The following OPCML variants were observed in gnomAD, a reference collection of about 807,000 sequenced individuals.
OPCML encodes the protein opioid-binding protein/cell adhesion molecule.
OPCML carries 13 observed loss-of-function variants against 37.8 expected under a neutral mutation model. The ratio of observed to expected loss-of-function variants is 0.34; its 90% CI spans 0.22 to 0.55. The LOEUF is 0.55. Among genes scored for constraint, OPCML ranks in the 20% least tolerant of loss-of-function variants. The pLI is 0.91. For missense variants in OPCML, 341 were observed against 435.6 expected (o/e 0.78, Z 1.93); for synonymous variants, 176 against 168.8 (o/e 1.04, Z -0.33).
chr11:132,850,112 G>C (rs1941736729), intron 2 of OPCML, among the ~76,000 whole-genome samples: 1 of 152,142 alleles, frequency 6.6e-6, no homozygotes, highest in African/African-American at 2.4e-5. Flanking sequence ...TTCAAGTCTT[G>C]TGTTTAGCCC....
At chr11:132,746,883 C>T (rs61908972) in intron 2 of OPCML, among the ~76,000 whole-genome samples, 8,573 of 152,106 alleles carry the variant, frequency 0.056, 268 homozygotes, top group Middle Eastern at 0.092. Flanking sequence ...GCAAGGCTTG[C>T]GAGGCTTCCC....
chr11:132,850,417 C>T (rs768105856), intron 2 of OPCML, among the ~76,000 whole-genome samples: 4 of 152,072 alleles, frequency 2.6e-5, no homozygotes, highest in Non-Finnish European at 5.9e-5. Flanking sequence ...ACTTGGAACA[C>T]GTTAAAACGC....
At chr11:133,162,324 T>C (rs988354935) in intron 1 of OPCML, among the ~76,000 whole-genome samples, 16 of 152,210 alleles carry the variant, frequency 1.1e-4, no homozygotes, top group Non-Finnish European at 1.8e-4. Context: ...TCAGGGCTGG[T>C]GAGCAGGCAG....
At chr11:133,184,105 G>T (rs1194883046) in intron 1 of OPCML, among the ~76,000 whole-genome samples, 2 of 152,284 alleles carry the variant, frequency 1.3e-5, no homozygotes, top group South Asian at 4.1e-4. Context: ...GCAGCAAGAG[G>T]GTTCAAAAGG....
At chr11:132,716,470 A>T (rs1351762854) in intron 2 of OPCML, among the ~76,000 whole-genome samples, 2 of 151,884 alleles carry the variant, frequency 1.3e-5, no homozygotes, top group Non-Finnish European at 2.9e-5. Flanking sequence ...TCTACCTACC[A>T]TCTGTCTATC....
chr11:133,071,082 T>A (rs1244261873), intron 1 of OPCML, among the ~76,000 whole-genome samples: 1 of 152,226 alleles, frequency 6.6e-6, no homozygotes, highest in Non-Finnish European at 1.5e-5. Flanking sequence ...GAGGATGTTC[T>A]TAAATATAAC....
chr11:133,531,746 A>AGG (rs1341646738), intron 1 of OPCML, among the ~76,000 whole-genome samples: 2 of 121,758 alleles, frequency 1.6e-5, no homozygotes, highest in East Asian at 2.0e-4. Flanking sequence ...GTGGAGAGGG[A>AGG]GAGAGAGAGA....
chr11:133,308,643 C>T (rs893288363), intron 1 of OPCML, among the ~76,000 whole-genome samples: 5 of 152,076 alleles, frequency 3.3e-5, no homozygotes, highest in African/African-American at 1.2e-4. Flanking sequence ...ATGCAGTTAA[C>T]CCACAGTAAC....
At chr11:133,239,490 G>C (rs1296725313) in intron 1 of OPCML, among the ~76,000 whole-genome samples, 1 of 152,226 alleles carries the variant, frequency 6.6e-6, no homozygotes, top group Non-Finnish European at 1.5e-5. Flanking sequence ...TGGGGGAGCT[G>C]TGCTCCCTGC....
intron 2 of OPCML, among the ~76,000 whole-genome samples, chr11:132,935,294 T>A (rs1026580838): frequency 6.6e-6 from 1 of 152,236 alleles, no homozygotes; most frequent in Non-Finnish European, 1.5e-5. Context: ...TTCTTCAGCA[T>A]TGGCATTCAC....
intron 1 of OPCML, among the ~76,000 whole-genome samples, chr11:133,247,102 A>G (rs545081979): frequency 6.6e-6 from 1 of 152,352 alleles, no homozygotes; most frequent in Non-Finnish European, 1.5e-5. Flanking sequence ...ATATAATCTA[A>G]AGCTTAGAAA....
At chr11:133,461,132 GA>G (rs1946849399) in intron 1 of OPCML, among the ~76,000 whole-genome samples, 1 of 151,888 alleles carries the variant, frequency 6.6e-6, no homozygotes, top group Non-Finnish European at 1.5e-5. Flanking sequence ...ACGTAATGGT[GA>G]AAAACTGAAC....
At chr11:133,213,437 G>A (rs1000253149) in intron 1 of OPCML, among the ~76,000 whole-genome samples, 1 of 152,012 alleles carries the variant, frequency 6.6e-6, no homozygotes, top group Non-Finnish European at 1.5e-5. Context: ...TTAAAAATTT[G>A]GTCTTTTAGA....
chr11:132,921,037 G>A (rs1428401434), intron 2 of OPCML, among the ~76,000 whole-genome samples: 2 of 152,076 alleles, frequency 1.3e-5, no homozygotes, highest in South Asian at 2.1e-4. Flanking sequence ...TCTACTCCCC[G>A]CCACATGCTG....
intron 1 of OPCML, among the ~76,000 whole-genome samples, chr11:133,434,968 GA>G (rs1946203906): frequency 1.3e-5 from 2 of 151,560 alleles, no homozygotes; most frequent in Admixed American, 1.3e-4. Flanking sequence ...ATTCTGTACA[GA>G]AACTGGAAAA....
At chr11:132,919,844 G>T (rs1944731822) in intron 2 of OPCML, among the ~76,000 whole-genome samples, 1 of 152,214 alleles carries the variant, frequency 6.6e-6, no homozygotes, top group Admixed American at 6.5e-5. Context: ...GAATGACACA[G>T]GAAGTGAGTG....
intron 2 of OPCML, among the ~76,000 whole-genome samples, chr11:132,794,227 C>T (rs1008803980): frequency 6.6e-6 from 1 of 152,114 alleles, no homozygotes; most frequent in Non-Finnish European, 1.5e-5. Context: ...TACCATAATA[C>T]ACTGAGCATA....
intron 1 of OPCML, chr11:133,420,205 T>TC (rs1368488134): frequency 3.1e-6 from 3 of 959,846 alleles, no homozygotes; most frequent in Non-Finnish European, 3.7e-6. Context: ...TTTTTTTTTT[T>TC]CCTCAGAGAT....
At chr11:133,063,116 C>T (rs1591965212) in intron 1 of OPCML, among the ~76,000 whole-genome samples, 1 of 152,258 alleles carries the variant, frequency 6.6e-6, no homozygotes, top group African/African-American at 2.4e-5. Context: ...AGAGACCAGC[C>T]TTCGCAGTGT....
Sources: gnomAD v4.1 joint callset for allele counts (sites outside exome capture counted in the v4.1 genomes callset) on GRCh38, gnomAD v4.1.1 for gene constraint, MANE v1.5 for transcripts, NCBI Gene and HGNC (gene_info 2026-07-23, HGNC 2026-07-21) for gene names.